Variants in CNTNAP2 observed in about 807,000 individuals in gnomAD.
CNTNAP2 encodes the protein contactin associated protein 2.
In CNTNAP2, 98 loss-of-function variants were observed where a neutral mutation model predicts 155.2. The ratio of observed to expected loss-of-function variants is 0.63; its 90% CI spans 0.54 to 0.75. The LOEUF is 0.75. CNTNAP2 is among the 30% of genes least tolerant of loss of function. CNTNAP2 has a pLI of 0.00. For synonymous variants in CNTNAP2, 651 were observed against 631.2 expected, an observed-to-expected ratio of 1.03 and a Z score of -0.47; for missense variants, 1,727 against 1,688.1, an observed-to-expected ratio of 1.02 and a Z score of -0.40.
chr7:147,010,392 C>T (rs1258301387), intron 3 of CNTNAP2, among the ~76,000 whole-genome samples: 2 of 151,778 alleles, frequency 1.3e-5, no homozygotes, highest in Admixed American at 1.3e-4. Context: ...TCTTTAGTAT[C>T]ATTTTTGATT....
chr7:147,150,064 C>T (rs1055449871), intron 8 of CNTNAP2, among the ~76,000 whole-genome samples: 3 of 152,070 alleles, frequency 2.0e-5, no homozygotes, highest in Non-Finnish European at 2.9e-5. Flanking sequence ...CTGTTGTGGA[C>T]GTGTCACGTT....
chr7:146,290,068 A>G lies in CNTNAP2; in HGVS notation c.97+173095A>G, dbSNP rs529964367. Among the ~76,000 whole-genome samples the G allele has an allele frequency of 2.0e-3, 309 of 152,286 alleles. 3 individuals carry two copies. The highest frequency in any genetic ancestry group is 7.0e-3 in the African/African-American group (290 of 41,554). ...AAGTTTAAAATATCAAACTATAATA[A>G]TTAGTAATTACATATGTAACCTAGG... On this transcript the variant is annotated intron_variant, in intron 1 of 23. Coordinates refer to ENST00000361727, the MANE Select transcript of CNTNAP2 (RefSeq NM_014141.6).
intron 1 of CNTNAP2, among the ~76,000 whole-genome samples, chr7:146,130,360 C>T (rs1386964624): frequency 6.6e-6 from 1 of 152,110 alleles, no homozygotes; most frequent in East Asian, 1.9e-4. Context: ...GTCCTAGCTA[C>T]TGGAGAGGCT....
intron 2 of CNTNAP2, among the ~76,000 whole-genome samples, chr7:146,827,160 T>C (rs1191885685): frequency 6.6e-6 from 1 of 152,048 alleles, no homozygotes; most frequent in Non-Finnish European, 1.5e-5. Context: ...ACTTTATTCT[T>C]ATATTCATTT....
chr7:147,316,235 C>T (rs999981543), intron 9 of CNTNAP2, among the ~76,000 whole-genome samples: 1 of 151,860 alleles, frequency 6.6e-6, no homozygotes, highest in African/African-American at 2.4e-5. Context: ...CTTTGAGAAA[C>T]ACTAATGTAG....
At chr7:146,257,525 T>G (rs1799858405) in intron 1 of CNTNAP2, among the ~76,000 whole-genome samples, 1 of 152,214 alleles carries the variant, frequency 6.6e-6, no homozygotes, top group Admixed American at 6.5e-5. Flanking sequence ...TCTCTTGGAT[T>G]AAATTCTAGA....
At position 147,436,751 on chromosome 7, in the gene CNTNAP2, C is replaced by T. The variant is rs553007752; in HGVS notation, c.1670+40971C>T. Among the ~76,000 whole-genome samples, 3 of 152,234 alleles carry T rather than the reference C, an allele frequency of 2.0e-5. No homozygotes were observed. The South Asian group carries it at 6.2e-4, about 32-fold the overall frequency. On this transcript the variant is annotated intron_variant, in intron 10 of 23. Transcript: ENST00000361727. ...TACCCACAGATGAAGTAAATTTTCT[C>T]CTATCTTCATGACAGGAGGTAGTTT...
intron 2 of CNTNAP2, among the ~76,000 whole-genome samples, chr7:146,794,572 T>A (rs1211102441): frequency 2.0e-5 from 3 of 151,842 alleles, no homozygotes; most frequent in Non-Finnish European, 2.9e-5. Context: ...GTCATGGGGG[T>A]AGGTATGATT....
chr7:146,731,869 T>C (rs1801531393), intron 1 of CNTNAP2, among the ~76,000 whole-genome samples: 1 of 152,094 alleles, frequency 6.6e-6, no homozygotes, highest in African/African-American at 2.4e-5. Flanking sequence ...AAAAATATAC[T>C]CATGTATATA....
At chr7:146,986,807 C>T (rs4368897) in intron 3 of CNTNAP2, among the ~76,000 whole-genome samples, 15,834 of 151,918 alleles carry the variant, frequency 0.1, 1,079 homozygotes, top group East Asian at 0.22. Flanking sequence ...GCCATTTATA[C>T]GCCTTTGAGA....
intron 1 of CNTNAP2, among the ~76,000 whole-genome samples, chr7:146,757,705 A>C (rs571436690): frequency 6.6e-6 from 1 of 152,312 alleles, no homozygotes; most frequent in Admixed American, 6.5e-5. Flanking sequence ...GTAAAAATAT[A>C]GGTGTTGGGA....
At chr7:147,074,718 T>C (rs1799962810) in intron 4 of CNTNAP2, among the ~76,000 whole-genome samples, 1 of 152,206 alleles carries the variant, frequency 6.6e-6, no homozygotes, top group Non-Finnish European at 1.5e-5. Flanking sequence ...TAAATAATAT[T>C]ATGGCTCTTT....
At chr7:146,811,073 A>G (rs1303019016) in intron 2 of CNTNAP2, among the ~76,000 whole-genome samples, 2 of 152,096 alleles carry the variant, frequency 1.3e-5, no homozygotes, top group African/African-American at 2.4e-5. Flanking sequence ...TGTGTTTATT[A>G]GAAGTATTGG....
intron 3 of CNTNAP2, among the ~76,000 whole-genome samples, chr7:146,966,325 C>T (rs956005676): frequency 1.3e-5 from 2 of 152,100 alleles, no homozygotes; most frequent in Admixed American, 1.3e-4. Flanking sequence ...ATCACCCATG[C>T]CTGTACAATA....
At chr7:147,061,684 T>G (rs190700748) in intron 4 of CNTNAP2, among the ~76,000 whole-genome samples, 6 of 152,320 alleles carry the variant, frequency 3.9e-5, no homozygotes, top group African/African-American at 1.4e-4. Context: ...TCTTGGGAAC[T>G]TGAATCAATT....
Position 146,345,674 on chromosome 7 carries a change from A to G in CNTNAP2, c.97+228701A>G, listed in dbSNP as rs1161013683. 3.4e-4 allele frequency among the ~76,000 whole-genome samples: 52 copies of G among 152,200 alleles called. 1 individual carries two copies. The highest frequency in any genetic ancestry group is 7.3e-5 in the Non-Finnish European group (5 of 68,036). ...CACTCCACTTCACTTTCAATATGCA[A>G]TTTTAAACATCATAATTTTTACCAC... On this transcript the variant is annotated intron_variant, in intron 1 of 23. Transcript: ENST00000361727.
At chr7:148,084,187 T>C (rs1227362322) in intron 15 of CNTNAP2, among the ~76,000 whole-genome samples, 2 of 152,212 alleles carry the variant, frequency 1.3e-5, no homozygotes, top group Non-Finnish European at 2.9e-5. Context: ...TTTTAATGCG[T>C]TCATTACTCT....
rs143814606 is a variant in CNTNAP2, at chr7:146,471,552, C to G, written c.98-302719C>G. On this transcript the variant is annotated intron_variant, in intron 1 of 23. Coordinates refer to ENST00000361727, the MANE Select transcript of CNTNAP2 (RefSeq NM_014141.6). ...CTGTGATAGAGCACTCCTTTCTGTT[C>G]CATTTCCATGTGGCCTTGTGCCAGC... is the stretch of plus-strand genomic sequence containing the variant. 2.3e-3 allele frequency among the ~76,000 whole-genome samples: 346 copies of G among 152,326 alleles called. 2 individuals carry two copies. Among genetic ancestry groups the G allele is most frequent in the African/African-American group, 7.8e-3 (324 of 41,578 alleles).
At chr7:147,831,055 T>G (rs1037367274) in intron 13 of CNTNAP2, among the ~76,000 whole-genome samples, 6 of 152,196 alleles carry the variant, frequency 3.9e-5, no homozygotes, top group Non-Finnish European at 7.3e-5. Context: ...GAATTCTTAT[T>G]AAGCATGAGA....
Sources: gnomAD v4.1 joint callset for allele counts (sites outside exome capture counted in the v4.1 genomes callset) on GRCh38, gnomAD v4.1.1 for gene constraint, MANE v1.5 for transcripts, NCBI Gene and HGNC (gene_info 2026-07-23, HGNC 2026-07-21) for gene names.